Variants in ARL15 observed in about 807,000 individuals in gnomAD.
ARL15 encodes ARF like GTPase 15.
Under a neutral mutation model 25.2 loss-of-function variants are expected in ARL15, and 19 were observed. The observed-to-expected ratio is 0.75, with a 90% CI of 0.53 to 1.10. The LOEUF (loss-of-function observed/expected upper bound fraction) is 1.10, where lower values mean the gene tolerates loss of function less well. Among genes scored for constraint, ARL15 ranks in the 50% least tolerant of loss-of-function variants. The pLI, the probability that ARL15 is intolerant of heterozygous loss-of-function variation, is 0.00. For missense variants in ARL15, 220 were observed against 246.0 expected, an observed-to-expected ratio of 0.89 and a Z score of 0.71; for synonymous variants, 94 against 86.8, an observed-to-expected ratio of 1.08 and a Z score of -0.46.
intron 1 of ARL15, among the ~76,000 whole-genome samples, chr5:54,213,220 G>T (rs781571705): frequency 2.0e-5 from 3 of 152,138 alleles, no homozygotes; most frequent in Non-Finnish European, 2.9e-5. Context: ...GAAAACACAC[G>T]TGTAAGAAGG....
Position 54,037,737 on chromosome 5 carries a change from A to G in ARL15, c.462+75465T>C, listed in dbSNP as rs143440192. On this transcript the variant is annotated intron_variant, in intron 4 of 4. Transcript: ENST00000504924. ...GAAAATGGATGATAGGCACTTTTAA[A>G]ACTTCATTTGTTTTTACCTCCATTT... is the stretch of plus-strand genomic sequence containing the variant. Among the ~76,000 whole-genome samples, 394 of 152,200 alleles carry G rather than the reference A, an allele frequency of 2.6e-3. 2 individuals carry two copies. The highest frequency in any genetic ancestry group is 9.3e-3 in the African/African-American group (385 of 41,564).
intron 4 of ARL15, among the ~76,000 whole-genome samples, chr5:53,888,998 G>A (rs1455215200): frequency 6.6e-6 from 1 of 152,144 alleles, no homozygotes; most frequent in Non-Finnish European, 1.5e-5. Context: ...GATGAAGTAT[G>A]CAACATCCAA....
chr5:54,104,245 T>C (rs1674626584), intron 4 of ARL15, among the ~76,000 whole-genome samples: 1 of 152,210 alleles, frequency 6.6e-6, no homozygotes, highest in Non-Finnish European at 1.5e-5. Flanking sequence ...TTGTAATTCA[T>C]TGGCTTCAGG....
At chr5:54,094,358 C>T (rs1215485585) in intron 4 of ARL15, among the ~76,000 whole-genome samples, 1 of 149,322 alleles carries the variant, frequency 6.7e-6, no homozygotes, top group Non-Finnish European at 1.5e-5. Context: ...TGTTTTAAAA[C>T]AACAATATTA....
chr5:54,221,408 A>G (rs1400169374), intron 1 of ARL15, among the ~76,000 whole-genome samples: 1 of 152,228 alleles, frequency 6.6e-6, no homozygotes, highest in Admixed American at 6.5e-5. Context: ...CTGATTTGTC[A>G]TTTTAAATGA....
chr5:54,276,375 T>C (rs535844458), intron 1 of ARL15, among the ~76,000 whole-genome samples: 1 of 152,346 alleles, frequency 6.6e-6, no homozygotes, highest in African/African-American at 2.4e-5. Flanking sequence ...TTTAATTTGT[T>C]GCTAGAACCA....
At chr5:53,888,684 C>A in intron 4 of ARL15, among the ~76,000 whole-genome samples, 1 of 152,158 alleles carries the variant, frequency 6.6e-6, no homozygotes, top group East Asian at 1.9e-4. Context: ...TCTGAAATTC[C>A]TGGTGCAAAG....
At chr5:53,892,514 ATGGCATGTATT>A (rs985814892) in intron 4 of ARL15, among the ~76,000 whole-genome samples, 3 of 152,226 alleles carry the variant, frequency 2.0e-5, no homozygotes, top group Admixed American at 2.0e-4. Context: ...TGTCCATTGC[ATGGCATGTATT>A]TTTCAAAGAA....
At chr5:54,172,071 A>G (rs1754736901) in intron 1 of ARL15, 143 bp from the exon 2 acceptor site, 2 of 990,040 alleles carry the variant, frequency 2.0e-6, no homozygotes, top group African/African-American at 3.3e-5. Flanking sequence ...ACTTTAGAAC[A>G]GTGAAACCTG....
At chr5:54,271,132 C>T (rs1396262782) in intron 1 of ARL15, among the ~76,000 whole-genome samples, 1 of 152,186 alleles carries the variant, frequency 6.6e-6, no homozygotes, top group Non-Finnish European at 1.5e-5. Flanking sequence ...TTTCCTGGTT[C>T]TGAGGCCTTG....
chr5:54,269,603 G>C (rs537847309), intron 1 of ARL15, among the ~76,000 whole-genome samples: 4 of 151,970 alleles, frequency 2.6e-5, no homozygotes, highest in Admixed American at 1.3e-4. Flanking sequence ...AGATGGATAG[G>C]TTATATTTTT....
chr5:53,991,753 G>GAATCTCCCACGTAGTGGGAGAGTGATT (rs1249290289), intron 4 of ARL15, among the ~76,000 whole-genome samples: 8 of 151,968 alleles, frequency 5.3e-5, no homozygotes, highest in Non-Finnish European at 7.4e-5. Flanking sequence ...CTTGATTCAT[G>GAATCTCCCACGTAGTGGGAGAGTGATT]AATCTCCCAC....
intron 1 of ARL15, among the ~76,000 whole-genome samples, chr5:54,268,199 C>T (rs1367062658): frequency 3.9e-5 from 6 of 152,110 alleles, no homozygotes; most frequent in African/African-American, 9.7e-5. Context: ...ACTTCCTTCT[C>T]GCTTCATTTC....
rs572686410 is a variant in ARL15, at chr5:54,118,602, G to C, written c.254-5192C>G. Among the ~76,000 whole-genome samples, 205 of 152,094 alleles carry C rather than the reference G, an allele frequency of 1.3e-3. 1 individual carries two copies. Among genetic ancestry groups the C allele is most frequent in the Non-Finnish European group, 2.3e-3 (159 of 68,016 alleles). On this transcript the variant is annotated intron_variant, in intron 3 of 4. Transcript: ENST00000504924. Reference sequence around the variant, plus strand: ...CATAAATTTAGAGCTAGTTTCTAGCGGGAATAAAAGTCTTACTTTAAACTA... The same window carrying C: ...CATAAATTTAGAGCTAGTTTCTAGCCGGAATAAAAGTCTTACTTTAAACTA...
chr5:54,158,522 A>G (rs1420430196), intron 2 of ARL15, among the ~76,000 whole-genome samples: 1 of 152,158 alleles, frequency 6.6e-6, no homozygotes, highest in Non-Finnish European at 1.5e-5. Context: ...ATTAATATCT[A>G]TTTCCTAATT....
At chr5:53,949,402 C>A (rs987051427) in intron 4 of ARL15, among the ~76,000 whole-genome samples, 1 of 152,086 alleles carries the variant, frequency 6.6e-6, no homozygotes, top group Non-Finnish European at 1.5e-5. Flanking sequence ...CAGGAAGTTG[C>A]CTAAAAAGTT....
intron 4 of ARL15, among the ~76,000 whole-genome samples, chr5:54,010,863 G>C (rs1000872781): frequency 6.6e-6 from 1 of 152,046 alleles, no homozygotes; most frequent in South Asian, 2.1e-4. Flanking sequence ...GCGGGGCTTG[G>C]TGGTGGGCGC....
intron 4 of ARL15, among the ~76,000 whole-genome samples, chr5:54,029,306 TACCACCACCACCACCACC>T (rs1168500786): frequency 1.7e-5 from 2 of 120,020 alleles, no homozygotes; most frequent in South Asian, 5.1e-4. Flanking sequence ...TAAAAACAGT[TACCACCACCACCACCACC>T]ACCACCACTA....
rs192087244 is a variant in ARL15 at position 54,090,938 on chromosome 5, G to C, written c.462+22264C>G. Among the ~76,000 whole-genome samples, 692 of 133,168 alleles carry C rather than the reference G, an allele frequency of 5.2e-3. 5 individuals carry two copies. The highest frequency in any genetic ancestry group is 0.028 in the South Asian group (117 of 4,194). 87.4% of individuals were successfully genotyped at this position (133,168 alleles called of 152,430 possible). A position where few individuals can be genotyped will look rare whatever the true frequency, so the allele number is the denominator to read the frequency against. Reference sequence around the variant, plus strand: ...TTGATGAGTCATTTGTCACAATACAGATGTTTTATGGCTGAAAGGAATGAC... The same window carrying C: ...TTGATGAGTCATTTGTCACAATACACATGTTTTATGGCTGAAAGGAATGAC... On this transcript the variant is annotated intron_variant, in intron 4 of 4. Coordinates refer to ENST00000504924, the MANE Select transcript of ARL15 (RefSeq NM_019087.3).
Sources: allele counts gnomAD v4.1 joint callset (sites outside exome capture counted in the v4.1 genomes callset), GRCh38; gene constraint gnomAD v4.1.1; transcripts MANE v1.5; gene names NCBI Gene and HGNC (gene_info 2026-07-23, HGNC 2026-07-21).